The following GSE1 variants were observed in gnomAD, a reference collection of about 807,000 sequenced individuals.
GSE1 encodes genetic suppressor element 1.
GSE1 carries 32 observed loss-of-function variants against 112.6 expected under a neutral mutation model. That is an observed-to-expected ratio of 0.28 (90% CI 0.21 to 0.38). The LOEUF (loss-of-function observed/expected upper bound fraction) is 0.38, where lower values mean the gene tolerates loss of function less well. Among genes scored for constraint, GSE1 ranks in the 10% least tolerant of loss-of-function variants. The probability of loss-of-function intolerance (pLI) is 1.00; values close to 1 mark genes in which losing one functional copy is unlikely to be tolerated. For missense variants in GSE1, 2,348 were observed against 1,699.2 expected, an observed-to-expected ratio of 1.38 and a Z score of -6.71; for synonymous variants, 1,115 against 735.6, an observed-to-expected ratio of 1.52 and a Z score of -8.35.
chr16:85,573,754 C>T (rs1291125361), intron 1 of GSE1, among the ~76,000 whole-genome samples: 5 of 152,188 alleles, frequency 3.3e-5, no homozygotes, highest in African/African-American at 4.8e-5. Flanking sequence ...AGTCTGGGCC[C>T]GGGAAGCATT....
intron 2 of GSE1, among the ~76,000 whole-genome samples, chr16:85,642,852 C>T (rs939518335): frequency 6.6e-6 from 1 of 152,200 alleles, no homozygotes; most frequent in Admixed American, 6.5e-5. Flanking sequence ...CTCCCCTTTC[C>T]TTCCATGCTC....
chr16:85,600,214 GT>G (rs889999982), intron 1 of GSE1, among the ~76,000 whole-genome samples: 7 of 152,216 alleles, frequency 4.6e-5, no homozygotes, highest in African/African-American at 1.7e-4. Flanking sequence ...CACAGGTGGG[GT>G]CTGAGCGGTG....
chr16:85,657,647 T>TA, intron 8 of GSE1, 43 bp downstream of exon 8: 1 of 1,357,728 alleles, frequency 7.4e-7, no homozygotes, highest in South Asian at 1.5e-5. Flanking sequence ...GCCTTCACGT[T>TA]CCGATTTGTT....
intron 1 of GSE1, among the ~76,000 whole-genome samples, chr16:85,590,981 C>T (rs2046980102): frequency 6.6e-6 from 1 of 152,208 alleles, no homozygotes; most frequent in Admixed American, 6.5e-5. Flanking sequence ...GGACAGCCCA[C>T]AGCTGTGTGC....
At position 85,673,444 on chromosome 16, in the gene GSE1, G is replaced by A. The variant is rs1442722514; in HGVS notation, c.*905G>A. On this transcript the variant is annotated 3_prime_UTR_variant, in exon 16 of 16. Coordinates refer to ENST00000253458, the MANE Select transcript of GSE1 (RefSeq NM_014615.5). ...GGATTTTTGTTTGTTTTTCCTGTTTGGGGGTTTTGTTTGTTGTTTTGGTTT... is the reference window on the plus strand; with the variant it reads ...GGATTTTTGTTTGTTTTTCCTGTTTAGGGGTTTTGTTTGTTGTTTTGGTTT... 4.0e-5 allele frequency: 6 copies of A among 150,548 alleles called. No homozygotes were observed. Among genetic ancestry groups the A allele is most frequent in the African/African-American group, 1.5e-4 (6 of 40,722 alleles). The allele number at this position is 150,548 out of a possible 1,614,324, so 9.3% of individuals were successfully genotyped here.
At position 85,617,811 on chromosome 16, in the gene GSE1, G is replaced by T. The variant is rs544475060; in HGVS notation, c.7+4413G>T. On this transcript the variant is annotated intron_variant, in intron 1 of 15. Coordinates refer to ENST00000253458, the MANE Select transcript of GSE1 (RefSeq NM_014615.5). ...GGCTGATGCTGTTTCAGGAGACCTG[G>T]GGTCTCTCTTCCCACCTGGGAAGCC... 2.1e-3 allele frequency among the ~76,000 whole-genome samples: 322 copies of T among 152,154 alleles called. 3 individuals carry two copies. Among genetic ancestry groups the T allele is most frequent in the African/African-American group, 7.5e-3 (312 of 41,504 alleles).
At chr16:85,212,683 G>A (rs1271364332) in intron 1 of GSE1, among the ~76,000 whole-genome samples, 7 of 152,274 alleles carry the variant, frequency 4.6e-5, no homozygotes, top group Middle Eastern at 6.8e-3. Flanking sequence ...GTGGCACTTC[G>A]TTATGGCTGC....
At chr16:85,571,845 T>C (rs1435020485) in intron 1 of GSE1, among the ~76,000 whole-genome samples, 1 of 152,008 alleles carries the variant, frequency 6.6e-6, no homozygotes, top group East Asian at 1.9e-4. Context: ...GTTTGGAATC[T>C]GAGAGACGGT....
At chr16:85,462,633 A>T (rs2049999649) in intron 2 of GSE1, among the ~76,000 whole-genome samples, 2 of 145,858 alleles carry the variant, frequency 1.4e-5, no homozygotes, top group African/African-American at 5.0e-5. Context: ...CAAGCGCGTT[A>T]TCAAGTGCAG....
intron 1 of GSE1, among the ~76,000 whole-genome samples, chr16:85,320,687 A>G (rs1201736526): frequency 3.9e-5 from 6 of 152,170 alleles, no homozygotes; most frequent in Non-Finnish European, 8.8e-5. Context: ...AAAAGGTCAT[A>G]TTCTGAGGTT....
intron 2 of GSE1, among the ~76,000 whole-genome samples, chr16:85,508,523 G>T (rs1299185605): frequency 6.6e-6 from 1 of 152,196 alleles, no homozygotes; most frequent in Non-Finnish European, 1.5e-5. Flanking sequence ...CTGCCTGCAT[G>T]GGTGAGAGGT....
At chr16:85,442,437 A>AGTGG (rs1384809745) in intron 2 of GSE1, among the ~76,000 whole-genome samples, 2 of 96,310 alleles carry the variant, frequency 2.1e-5, no homozygotes, top group Non-Finnish European at 4.8e-5. Context: ...TTATTGAATG[A>AGTGG]ATGGATGAAT....
intron 2 of GSE1, among the ~76,000 whole-genome samples, chr16:85,452,615 C>T (rs776768360): frequency 6.6e-6 from 1 of 152,186 alleles, no homozygotes; most frequent in East Asian, 1.9e-4. Context: ...TCGGAATCCC[C>T]TGCCCCAGTG....
At chr16:85,295,467 C>T (rs1173467140) in intron 1 of GSE1, among the ~76,000 whole-genome samples, 2 of 152,248 alleles carry the variant, frequency 1.3e-5, no homozygotes, top group East Asian at 3.8e-4. Context: ...CCATCCACCG[C>T]CGATGGCCGT....
intron 1 of GSE1, among the ~76,000 whole-genome samples, chr16:85,342,532 C>G: frequency 6.6e-6 from 1 of 152,166 alleles, no homozygotes; most frequent in South Asian, 2.1e-4. Context: ...GGCAGCCCCA[C>G]CAGCCCCCAC....
intron 2 of GSE1, among the ~76,000 whole-genome samples, chr16:85,641,518 G>A (rs531207735): frequency 1.2e-4 from 18 of 152,358 alleles, no homozygotes; most frequent in South Asian, 8.3e-4. Flanking sequence ...CTTGTAGGGC[G>A]GCTGCTGCTA....
chr16:85,646,088 C>T (rs2050839376), intron 2 of GSE1, among the ~76,000 whole-genome samples: 1 of 128,446 alleles, frequency 7.8e-6, no homozygotes, highest in Non-Finnish European at 1.6e-5. Context: ...CTGCTTCTAC[C>T]ACGCTTCCTA....
At chr16:85,578,065 A>G (rs575597152) in intron 1 of GSE1, among the ~76,000 whole-genome samples, 2 of 152,338 alleles carry the variant, frequency 1.3e-5, no homozygotes, top group Admixed American at 6.5e-5. Flanking sequence ...GAGGCTGCTG[A>G]AAGGCCTGCA....
At position 85,364,090 on chromosome 16, in the gene GSE1, A is replaced by G. The variant is rs558943463; in HGVS notation, c.2464+6447A>G. ...AGTCTGACGTTAGTCTCACTGTGCAAAAATCCCGATGTGGGCAGGGCCTGT... is the reference window on the plus strand; with the variant it reads ...AGTCTGACGTTAGTCTCACTGTGCAGAAATCCCGATGTGGGCAGGGCCTGT... On this transcript the variant is annotated intron_variant, in intron 2 of 2. Coordinates refer to the GSE1 transcript ENST00000637419. Among the ~76,000 whole-genome samples the G allele has an allele frequency of 8.5e-5, 13 of 152,342 alleles. No individual in the cohort carries two copies. The East Asian group carries it at 2.5e-3, about 29-fold the overall frequency.
Sources: allele counts gnomAD v4.1 joint callset (sites outside exome capture counted in the v4.1 genomes callset), GRCh38; gene constraint gnomAD v4.1.1; transcripts MANE v1.5; gene names NCBI Gene and HGNC (gene_info 2026-07-23, HGNC 2026-07-21).